Variants in MLLT3 observed in about 807,000 individuals in gnomAD.
MLLT3 encodes MLLT3 super elongation complex subunit, also known as protein AF-9.
In MLLT3, 4 loss-of-function variants were observed where a neutral mutation model predicts 53.2. The observed-to-expected ratio is 0.08, with a 90% CI of 0.04 to 0.17. The LOEUF (loss-of-function observed/expected upper bound fraction) is 0.17, where lower values mean the gene tolerates loss of function less well. Ranked by LOEUF, MLLT3 falls within the 10% of genes least tolerant of loss-of-function variation. The pLI, the probability that MLLT3 is intolerant of heterozygous loss-of-function variation, is 1.00. For missense variants in MLLT3, 569 were observed against 684.0 expected (o/e 0.83, Z 1.87); for synonymous variants, 283 against 230.6 (o/e 1.23, Z -2.06).
At chr9:20,348,127 T>A (rs2118587080) in intron 10 of MLLT3, among the ~76,000 whole-genome samples, 1 of 152,326 alleles carries the variant, frequency 6.6e-6, no homozygotes, top group South Asian at 2.1e-4. Context: ...GAACTATTTT[T>A]TAGGGATATA....
At chr9:20,496,102 C>G (rs1825073854) in intron 2 of MLLT3, among the ~76,000 whole-genome samples, 1 of 152,158 alleles carries the variant, frequency 6.6e-6, no homozygotes, top group Non-Finnish European at 1.5e-5. Context: ...TAACAAGATG[C>G]TTTCTATAAG....
chr9:20,421,496 C>G (rs2118793796), intron 4 of MLLT3, among the ~76,000 whole-genome samples: 1 of 152,086 alleles, frequency 6.6e-6, no homozygotes, highest in East Asian at 1.9e-4. Flanking sequence ...AAAAGATCCA[C>G]AAAACATGCA....
chr9:20,597,753 AC>A (rs1191021463), intron 2 of MLLT3, among the ~76,000 whole-genome samples: 1 of 152,246 alleles, frequency 6.6e-6, no homozygotes, highest in African/African-American at 2.4e-5. Flanking sequence ...CAGAAGAGAA[AC>A]AAAAAGAAAT....
chr9:20,593,487 A>G (rs1488695804), intron 2 of MLLT3, among the ~76,000 whole-genome samples: 1 of 152,246 alleles, frequency 6.6e-6, no homozygotes, highest in Non-Finnish European at 1.5e-5. Context: ...CTTTATACAA[A>G]TAATCACGCC....
intron 2 of MLLT3, among the ~76,000 whole-genome samples, chr9:20,578,946 C>T (rs973166320): frequency 3.3e-5 from 5 of 151,888 alleles, no homozygotes; most frequent in East Asian, 1.9e-4. Flanking sequence ...TTTACTTTTT[C>T]GAGTAAAGCT....
intron 6 of MLLT3, 47 bp from the exon 7 acceptor site, chr9:20,363,652 A>G (rs766757144): frequency 1.9e-6 from 3 of 1,588,488 alleles, no homozygotes; most frequent in Non-Finnish European, 1.7e-6. Context: ...ATACTCAAAC[A>G]CACTTAGCCA....
chr9:20,364,307 C>A (rs747136642), intron 6 of MLLT3, among the ~76,000 whole-genome samples: 4 of 151,902 alleles, frequency 2.6e-5, no homozygotes, highest in Non-Finnish European at 5.9e-5. Flanking sequence ...CAGTATCAGA[C>A]AGGAAAAAGA....
At chr9:20,368,098 T>C (rs1047553554) in intron 5 of MLLT3, among the ~76,000 whole-genome samples, 2 of 152,234 alleles carry the variant, frequency 1.3e-5, no homozygotes, top group African/African-American at 2.4e-5. Flanking sequence ...TTGAGTACTG[T>C]AGCACAATGT....
intron 2 of MLLT3, among the ~76,000 whole-genome samples, chr9:20,564,976 AC>A (rs542096170): frequency 1.1e-4 from 16 of 152,304 alleles, no homozygotes; most frequent in African/African-American, 3.6e-4. Flanking sequence ...CTCAGCTTAC[AC>A]GTCTTCCATT....
rs759790320 is a variant in MLLT3 at position 20,352,356 on chromosome 9, C to G, written c.1575+1169G>C. Reference sequence around the variant, plus strand: ...AGACGAGAAAGATCATGCAATAGATCTGCAATCAGCATTATGCCAGCCCCA... The same window carrying G: ...AGACGAGAAAGATCATGCAATAGATGTGCAATCAGCATTATGCCAGCCCCA... On this transcript the variant is annotated intron_variant, in intron 10 of 10. Transcript: ENST00000380338. Among the ~76,000 whole-genome samples, 17 of 152,228 alleles carry G rather than the reference C, an allele frequency of 1.1e-4. 1 individual carries two copies. Among genetic ancestry groups the G allele is most frequent in the African/African-American group, 4.1e-4 (17 of 41,450 alleles).
intron 2 of MLLT3, among the ~76,000 whole-genome samples, chr9:20,571,946 C>A (rs747648750): frequency 2.0e-5 from 3 of 152,132 alleles, no homozygotes; most frequent in African/African-American, 7.2e-5. Flanking sequence ...ATTAGTATAG[C>A]CATTTTGGAA....
intron 2 of MLLT3, among the ~76,000 whole-genome samples, chr9:20,540,538 A>G (rs1464040974): frequency 1.3e-5 from 2 of 152,214 alleles, no homozygotes; most frequent in Admixed American, 1.3e-4. Flanking sequence ...CCCAAGCTGT[A>G]CCTTGGCCCC....
At chr9:20,531,990 G>A (rs945952133) in intron 2 of MLLT3, among the ~76,000 whole-genome samples, 5 of 151,640 alleles carry the variant, frequency 3.3e-5, no homozygotes, top group African/African-American at 7.3e-5. Context: ...TTCACTATTC[G>A]TTAGCTTAGT....
chr9:20,515,028 C>A (rs1817870827), intron 2 of MLLT3, among the ~76,000 whole-genome samples: 1 of 148,254 alleles, frequency 6.7e-6, no homozygotes, highest in South Asian at 2.1e-4. Flanking sequence ...CTCACCGCAA[C>A]CTCTGCCTCC....
intron 10 of MLLT3, among the ~76,000 whole-genome samples, chr9:20,352,813 C>T (rs763528040): frequency 6.6e-6 from 1 of 150,424 alleles, no homozygotes; most frequent in Non-Finnish European, 1.5e-5. Context: ...ATTCAAACAG[C>T]GAAACAATCT....
At chr9:20,417,634 A>G (rs987940866) in intron 4 of MLLT3, among the ~76,000 whole-genome samples, 1 of 152,100 alleles carries the variant, frequency 6.6e-6, no homozygotes, top group African/African-American at 2.4e-5. Flanking sequence ...TTTAAGGCAA[A>G]TGATTGTTTA....
intron 5 of MLLT3, chr9:20,380,119 C>T (rs963295288): frequency 6.6e-6 from 1 of 151,940 alleles, no homozygotes; most frequent in African/African-American, 2.4e-5. Context: ...GTATTTACGG[C>T]CTTTATTCAC....
chr9:20,354,533 A>C (rs1421315715), intron 9 of MLLT3, among the ~76,000 whole-genome samples: 4 of 152,188 alleles, frequency 2.6e-5, no homozygotes, highest in Admixed American at 2.6e-4. Flanking sequence ...CTCTACCACA[A>C]TTCTCTTAAT....
At chr9:20,437,377 A>T (rs910913579) in intron 4 of MLLT3, among the ~76,000 whole-genome samples, 6 of 152,210 alleles carry the variant, frequency 3.9e-5, no homozygotes, top group African/African-American at 1.2e-4. Flanking sequence ...AAAGAAAAAT[A>T]AACTGAAGCC....
Sources: gnomAD v4.1 joint callset for allele counts (sites outside exome capture counted in the v4.1 genomes callset) on GRCh38, gnomAD v4.1.1 for gene constraint, MANE v1.5 for transcripts, NCBI Gene and HGNC (gene_info 2026-07-23, HGNC 2026-07-21) for gene names.